The following HIF1A variants were observed in gnomAD, a reference collection of about 807,000 sequenced individuals.
HIF1A encodes the protein hypoxia inducible factor 1 subunit alpha.
Under a neutral mutation model 92.7 loss-of-function variants are expected in HIF1A, and 24 were observed. The observed-to-expected ratio is 0.26, with a 90% CI of 0.19 to 0.36. The LOEUF (loss-of-function observed/expected upper bound fraction) is 0.36, where lower values mean the gene tolerates loss of function less well. Ranked by LOEUF, HIF1A falls within the 10% of genes least tolerant of loss-of-function variation. The pLI is 1.00. For synonymous variants in HIF1A, 319 were observed against 338.7 expected, an observed-to-expected ratio of 0.94 and a Z score of 0.64; for missense variants, 799 against 998.5, an observed-to-expected ratio of 0.80 and a Z score of 2.69.
At chr14:61,719,003 A>T (rs1415636435) in intron 1 of HIF1A, among the ~76,000 whole-genome samples, 1 of 152,234 alleles carries the variant, frequency 6.6e-6, no homozygotes, top group Non-Finnish European at 1.5e-5. Flanking sequence ...TTGTCACAAT[A>T]CAACATGTTA....
chr14:61,726,672 G>C, intron 4 of HIF1A, 34 bp from the exon 5 acceptor site: 1 of 1,340,744 alleles, frequency 7.5e-7, no homozygotes, highest in Non-Finnish European at 1.0e-6. Context: ...TGTATATTTA[G>C]TTGCTTTAAA....
intron 2 of HIF1A, 81 bp downstream of exon 2, chr14:61,720,653 G>A (rs2044416047): frequency 1.6e-5 from 14 of 900,948 alleles, no homozygotes; most frequent in Admixed American, 8.6e-5. Context: ...GAAGGTGGTC[G>A]CAATGTTTTG....
At chr14:61,707,599 T>C (rs1054742288) in intron 1 of HIF1A, among the ~76,000 whole-genome samples, 21 of 151,874 alleles carry the variant, frequency 1.4e-4, no homozygotes, top group African/African-American at 5.1e-4. Context: ...GAATGATGGT[T>C]TCCGGCTTCA....
chr14:61,720,708 T>A (rs2044416574), intron 2 of HIF1A, 136 bp downstream of exon 2: 2 of 453,048 alleles, frequency 4.4e-6, no homozygotes, highest in Non-Finnish European at 7.5e-6. Context: ...CGTTTAAAAA[T>A]TTTTCTGTAA....
At chr14:61,697,232 G>A (rs1042373634) in intron 1 of HIF1A, among the ~76,000 whole-genome samples, 1 of 152,074 alleles carries the variant, frequency 6.6e-6, no homozygotes, top group Non-Finnish European at 1.5e-5. Flanking sequence ...CAGCAGAGAA[G>A]GTCACTTATA....
chr14:61,719,566 T>C (rs1308122269), intron 1 of HIF1A, among the ~76,000 whole-genome samples: 1 of 152,252 alleles, frequency 6.6e-6, no homozygotes, highest in Non-Finnish European at 1.5e-5. Context: ...TAGATGTCAC[T>C]AGGCAGTTAA....
chr14:61,707,412 C>T (rs796067477), intron 1 of HIF1A, among the ~76,000 whole-genome samples: 6 of 152,182 alleles, frequency 3.9e-5, no homozygotes, highest in African/African-American at 1.4e-4. Flanking sequence ...CCCAGTAACT[C>T]GTCATTTAAC....
At chr14:61,708,704 C>T (rs1184201914) in intron 1 of HIF1A, among the ~76,000 whole-genome samples, 1 of 152,126 alleles carries the variant, frequency 6.6e-6, no homozygotes, top group Non-Finnish European at 1.5e-5. Context: ...TTGGTTACTG[C>T]ATCCTTGTAG....
intron 6 of HIF1A, among the ~76,000 whole-genome samples, chr14:61,730,066 CTTTA>C (rs1223432060): frequency 6.6e-6 from 1 of 152,148 alleles, no homozygotes; most frequent in Admixed American, 6.5e-5. Flanking sequence ...TTATTCAACA[CTTTA>C]TTTGAGCATC....
chr14:61,709,830 C>T (rs2044286121), intron 1 of HIF1A, among the ~76,000 whole-genome samples: 1 of 152,010 alleles, frequency 6.6e-6, no homozygotes, highest in African/African-American at 2.4e-5. Flanking sequence ...TTAGGATATA[C>T]AGTAGGAAAG....
intron 1 of HIF1A, among the ~76,000 whole-genome samples, chr14:61,698,236 A>G (rs2044138122): frequency 6.6e-6 from 1 of 152,224 alleles, no homozygotes; most frequent in South Asian, 2.1e-4. Flanking sequence ...ATTTATTAGC[A>G]AACTTTTCTC....
intron 14 of HIF1A, among the ~76,000 whole-genome samples, 155 bp downstream of exon 14, chr14:61,745,972 C>T (rs563629742): frequency 1.3e-5 from 2 of 152,074 alleles, no homozygotes; most frequent in South Asian, 2.1e-4. Flanking sequence ...ACCTGTAATC[C>T]CAGCACTTTG....
At chr14:61,732,756 A>G (rs942599113) in intron 7 of HIF1A, among the ~76,000 whole-genome samples, 2 of 152,252 alleles carry the variant, frequency 1.3e-5, no homozygotes, top group African/African-American at 4.8e-5. Context: ...AAATACAAAG[A>G]CTTTTGAAAA....
At chr14:61,734,498 C>A (rs1033632645) in intron 8 of HIF1A, among the ~76,000 whole-genome samples, 1 of 152,140 alleles carries the variant, frequency 6.6e-6, no homozygotes, top group East Asian at 1.9e-4. Context: ...AGTTGTCTAT[C>A]CCCATACCTT....
chr14:61,745,536 G>T (rs535835070), intron 13 of HIF1A, 155 bp from the exon 14 acceptor site: 8 of 685,052 alleles, frequency 1.2e-5, no homozygotes, highest in East Asian at 7.7e-5. Flanking sequence ...GGTCATAATG[G>T]ATGACAAATA....
chr14:61,729,800 AATG>A (rs1268699750), intron 6 of HIF1A, among the ~76,000 whole-genome samples: 3 of 152,138 alleles, frequency 2.0e-5, no homozygotes, highest in African/African-American at 7.2e-5. Context: ...AAATTAGCAA[AATG>A]ATCATGACAG....
chr14:61,727,280 A>G (rs2044517662), intron 5 of HIF1A, among the ~76,000 whole-genome samples, 173 bp from the exon 6 acceptor site: 1 of 152,208 alleles, frequency 6.6e-6, no homozygotes, highest in East Asian at 1.9e-4. Context: ...AGTAGGTCAT[A>G]GGTGGTATCA....
At chr14:61,696,391 C>G (rs73325593) in intron 1 of HIF1A, among the ~76,000 whole-genome samples, 3,008 of 152,346 alleles carry the variant, frequency 0.02, 41 homozygotes, top group African/African-American at 0.029. Context: ...CGGATGCGAT[C>G]TTGTCCTGTA....
intron 1 of HIF1A, chr14:61,717,068 C>T (rs1323560916): frequency 1.3e-5 from 2 of 152,136 alleles, no homozygotes; most frequent in African/African-American, 4.8e-5. Flanking sequence ...ATATAGTGAC[C>T]TTATTTGCAT....
Sources: allele counts gnomAD v4.1 joint callset (sites outside exome capture counted in the v4.1 genomes callset), GRCh38; gene constraint gnomAD v4.1.1; transcripts MANE v1.5; gene names NCBI Gene and HGNC (gene_info 2026-07-23, HGNC 2026-07-21).